The following ABCC5 variants were observed in gnomAD, a reference collection of about 807,000 sequenced individuals.
The protein encoded by ABCC5 is ATP-binding cassette sub-family C member 5.
A neutral mutation model predicts 160.9 loss-of-function variants in ABCC5; 61 were observed. The ratio of observed to expected loss-of-function variants is 0.38; its 90% CI spans 0.31 to 0.47. The LOEUF (loss-of-function observed/expected upper bound fraction) is 0.47, where lower values mean the gene tolerates loss of function less well. Among genes scored for constraint, ABCC5 ranks in the 20% least tolerant of loss-of-function variants. The probability of loss-of-function intolerance (pLI) is 0.99; values close to 1 mark genes in which losing one functional copy is unlikely to be tolerated. For synonymous variants in ABCC5, 666 were observed against 700.6 expected, an observed-to-expected ratio of 0.95 and a Z score of 0.78; for missense variants, 1,308 against 1,813.3, an observed-to-expected ratio of 0.72 and a Z score of 5.06.
Position 183,963,678 on chromosome 3 carries a change from C to G in ABCC5, c.2032-90G>C. The G allele has an allele frequency of 8.3e-7, 1 of 1,211,562 alleles. No homozygotes were observed. Among genetic ancestry groups the G allele is most frequent in the Non-Finnish European group, 1.2e-6 (1 of 858,918 alleles). 75.1% of individuals were successfully genotyped at this position (1,211,562 alleles called of 1,614,324 possible). ...CCAGTCACTTCTCTTCTTGCCCACC[C>G]AGACCAGCTCCTTCTGTCAATTCCC... is the stretch of plus-strand genomic sequence containing the variant. On this transcript the variant is annotated intron_variant, in intron 14 of 29. Coordinates refer to ENST00000334444, the MANE Select transcript of ABCC5 (RefSeq NM_005688.4). This position sits in a 1 kb window ranked among gnomAD's most constrained non-coding sequence, Gnocchi z 4.6.
intron 28 of ABCC5, among the ~76,000 whole-genome samples, chr3:183,927,103 G>A (rs1030370354): frequency 5.9e-5 from 9 of 152,022 alleles, no homozygotes; most frequent in Non-Finnish European, 1.3e-4. Flanking sequence ...TCAATGGCCA[G>A]AAACAAAAGT....
In ABCC5 at chr3:183,978,646, G is replaced by A. The variant is rs751998938; in HGVS notation, c.1153C>T (p.Arg385Cys). The change falls in exon 9 of 30, where the codon CGC becomes TGC. Residue 385 changes from arginine to cysteine, a missense_variant. Around this residue, in one of 3 missense-constraint regions of ABCC5, gnomAD observed 1,142 missense variants for 1,527.1 expected, o/e 0.75. Coordinates refer to ENST00000334444, the MANE Select transcript of ABCC5 (RefSeq NM_005688.4). Reference protein sequence around the residue: ...KAFSQSVQKIREEERRILEKA... With the variant: ...KAFSQSVQKICEEERRILEKA... Reference sequence around the variant, plus strand: ...TCCAATATCCGACGCTCCTCCTCGCGGATTTCTATGAATAAAAAGCAAGCC... The same window carrying A: ...TCCAATATCCGACGCTCCTCCTCGCAGATTTCTATGAATAAAAAGCAAGCC... The A allele has an allele frequency of 8.1e-6, 13 of 1,612,294 alleles. No homozygotes were observed. The highest frequency in any genetic ancestry group is 2.2e-5 in the East Asian group (1 of 44,850).
In ABCC5 at chr3:183,953,117, C is replaced by G; in HGVS notation, c.2636G>C (p.Trp879Ser). The change falls in exon 18 of 30, where the codon TGG (tryptophan) becomes TCG (serine). Residue 879 changes from tryptophan to serine, a missense_variant. By Grantham distance (177) the Trp-to-Ser change is radical. Around this residue, in one of 3 missense-constraint regions of ABCC5, gnomAD observed 1,142 missense variants for 1,527.1 expected, o/e 0.75. Coordinates refer to ENST00000334444, the MANE Select transcript of ABCC5 (RefSeq NM_005688.4). ...TCCTTGCTTGATCCAGTAACTCAAC[C>G]ACCAGGTGCTGAAGGCGGTGCTGCC... is the stretch of plus-strand genomic sequence containing the variant. ...NVGSTAFSTW[W>S]LSYWIKQGSG... 6.2e-7 allele frequency: 1 copy of G among 1,613,916 alleles called. No homozygotes were observed. The highest frequency in any genetic ancestry group is 1.7e-4 in the Middle Eastern group (1 of 6,010).
In ABCC5 at chr3:183,942,877, C is replaced by G. The variant is rs1160528638; in HGVS notation, c.3544G>C (p.Ala1182Pro). The G allele has an allele frequency of 3.1e-6, 5 of 1,613,752 alleles. No individual in the cohort carries two copies. Among genetic ancestry groups the G allele is most frequent in the African/African-American group, 2.7e-5 (2 of 74,880 alleles). Residue 1182 changes from alanine to proline, a missense_variant, in exon 25 of 30, where the codon GCT (alanine) becomes CCT (proline). Transcript: ENST00000334444. ...TCCTGGGGCCAGTCAGGGGAGGGAGCCTTGTTCTTAATTCTGGCAGGTGCT... is the reference window on the plus strand; with the variant it reads ...TCCTGGGGCCAGTCAGGGGAGGGAGGCTTGTTCTTAATTCTGGCAGGTGCT... ...LEAPARIKNK[A>P]PSPDWPQEGE...
intron 1 of ABCC5, among the ~76,000 whole-genome samples, chr3:184,015,630 C>G (rs1300832428): frequency 3.3e-5 from 5 of 151,748 alleles, no homozygotes; most frequent in Non-Finnish European, 5.9e-5. Flanking sequence ...AGCTTGATTT[C>G]TTGCCTTTCA....
intron 1 of ABCC5, among the ~76,000 whole-genome samples, chr3:184,016,191 A>G (rs1481885927): frequency 6.6e-6 from 1 of 152,232 alleles, no homozygotes; most frequent in Non-Finnish European, 1.5e-5. Flanking sequence ...TATGACACAA[A>G]TAATGACTGT....
At chr3:183,992,143 T>C (rs1414402565) in intron 2 of ABCC5, among the ~76,000 whole-genome samples, 1 of 152,160 alleles carries the variant, frequency 6.6e-6, no homozygotes, top group Non-Finnish European at 1.5e-5. Flanking sequence ...TTAATTAGAG[T>C]TCAGTAACAA....
chr3:183,921,191 G>C lies in ABCC5; in HGVS notation c.*109C>G. The C allele has an allele frequency of 1.6e-6, 1 of 614,100 alleles. No individual in the cohort carries two copies. Among genetic ancestry groups the C allele is most frequent in the Non-Finnish European group, 3.0e-6 (1 of 338,410 alleles). The allele number at this position is 614,100 out of a possible 1,614,324, so 38.0% of individuals were successfully genotyped here. A position where few individuals can be genotyped will look rare whatever the true frequency, so the allele number is the denominator to read the frequency against. On this transcript the variant is annotated 3_prime_UTR_variant, in exon 30 of 30. Coordinates refer to ENST00000334444, the MANE Select transcript of ABCC5 (RefSeq NM_005688.4). The surrounding 1 kb of genome is among the most constrained non-coding windows in gnomAD (Gnocchi z 4.1). Reference sequence around the variant, plus strand: ...GCCAATCCGGAACTGCTGTGCGAAAGATAAAATCGAGAAAGGCAAGGTTTC... The same window carrying C: ...GCCAATCCGGAACTGCTGTGCGAAACATAAAATCGAGAAAGGCAAGGTTTC...
At chr3:184,009,081 TC>T in intron 2 of ABCC5, among the ~76,000 whole-genome samples, 1 of 152,274 alleles carries the variant, frequency 6.6e-6, no homozygotes, top group South Asian at 2.1e-4. Flanking sequence ...CCCAGGTTGG[TC>T]TTGCACTCCC....
At position 183,982,174 on chromosome 3, in the gene ABCC5, TC is replaced by T. The variant is rs1718805572; in HGVS notation, c.999+276del. 6.6e-6 allele frequency among the ~76,000 whole-genome samples: 1 copy of T among 151,954 alleles called. No individual in the cohort carries two copies. The highest frequency in any genetic ancestry group is 1.5e-5 in the Non-Finnish European group (1 of 67,986). On this transcript the variant is annotated intron_variant, in intron 7 of 29. Coordinates refer to ENST00000334444, the MANE Select transcript of ABCC5 (RefSeq NM_005688.4). This position sits in a 1 kb window ranked among gnomAD's most constrained non-coding sequence, Gnocchi z 5.2. ...GAGGGCCCTATCACTTAGCACCAAC[TC>T]CAACGCAGTGACTCAAACACTCCTA...
rs1219244989 is a variant in ABCC5 at position 183,959,764 on chromosome 3, T to C, written c.2451A>G (p.Val817=). ...SQDKGPKTGS[V]KKEKAVKPEE... The stretch of plus-strand genomic sequence containing the variant: ...CTGGCTTTACTGCTTTTTCCTTCTT[T>C]ACTGATCCTGTTTTAGGACCCTTGT... Residue 817 remains valine (V), a synonymous_variant, in exon 17 of 30, where the codon GTA becomes GTG. Transcript: ENST00000334444. The C allele has an allele frequency of 1.2e-6, 2 of 1,612,536 alleles. No individual in the cohort carries two copies. The highest frequency in any genetic ancestry group is 1.7e-5 in the Admixed American group (1 of 59,818).
At chr3:183,961,781 G>T in intron 15 of ABCC5, 127 bp from the exon 16 acceptor site, 1 of 1,229,776 alleles carries the variant, frequency 8.1e-7, no homozygotes. Flanking sequence ...GCAGCATCTG[G>T]AGACATTTTT....
chr3:183,950,250 C>A, intron 20 of ABCC5, 125 bp from the exon 21 acceptor site: 2 of 1,163,704 alleles, frequency 1.7e-6, no homozygotes, highest in Non-Finnish European at 2.3e-6. Context: ...TTTAAACAGT[C>A]TGATCAAAGA....
At chr3:183,984,539 T>C (rs1336268657) in intron 5 of ABCC5, 1 of 1,172,534 alleles carries the variant, frequency 8.5e-7, no homozygotes, top group Non-Finnish European at 1.1e-6. Context: ...ATTAAATTAA[T>C]ACCAGATGTC....
chr3:183,985,213 T>A lies in ABCC5; in HGVS notation c.592-2206A>T, dbSNP rs1454273370. 5 of 1,198,992 alleles carry A rather than the reference T, an allele frequency of 4.2e-6. No individual in the cohort carries two copies. The African/African-American group carries it at 7.6e-5, about 18-fold the overall frequency. 74.3% of individuals were successfully genotyped at this position (1,198,992 alleles called of 1,614,324 possible). A position where few individuals can be genotyped will look rare whatever the true frequency, so the allele number is the denominator to read the frequency against. The stretch of plus-strand genomic sequence containing the variant: ...TTTTAAAAAGTTACAAATGTATCAT[T>A]TAAATCTAAACAAACTGGAAGAAAA... On this transcript the variant is annotated intron_variant, in intron 5 of 29. Coordinates refer to ENST00000334444, the MANE Select transcript of ABCC5 (RefSeq NM_005688.4).
In ABCC5 at chr3:183,982,410, T is replaced by G. The variant is rs1455423480; in HGVS notation, c.999+41A>C. On this transcript the variant is annotated intron_variant, in intron 7 of 29. Transcript: ENST00000334444. The surrounding 1 kb of genome is among the most constrained non-coding windows in gnomAD (Gnocchi z 5.2). ...AACCCAATGGAAGTAACTCATCTCC[T>G]AAGGAGAAGCTGCCAGGATTCAGCT... The G allele has an allele frequency of 6.3e-7, 1 of 1,599,334 alleles. No homozygotes were observed. Among genetic ancestry groups the G allele is most frequent in the Non-Finnish European group, 8.5e-7 (1 of 1,172,478 alleles).
chr3:183,924,350 C>CT (rs1712315586), intron 29 of ABCC5, among the ~76,000 whole-genome samples: 1 of 152,088 alleles, frequency 6.6e-6, no homozygotes, highest in Non-Finnish European at 1.5e-5. Context: ...TTCCCTGAGA[C>CT]TTTGTCTCCT....
intron 26 of ABCC5, among the ~76,000 whole-genome samples, chr3:183,934,035 G>A (rs1170825069): frequency 6.6e-6 from 1 of 152,210 alleles, no homozygotes; most frequent in African/African-American, 2.4e-5. Context: ...GCTGGGCGCG[G>A]TGGCTCACAC....
intron 27 of ABCC5, 53 bp downstream of exon 27, chr3:183,928,694 T>C: frequency 6.5e-7 from 1 of 1,534,470 alleles, no homozygotes; most frequent in African/African-American, 1.4e-5. Context: ...AGGGCACTGC[T>C]GTGCTTCCAC....
Sources: allele counts gnomAD v4.1 joint callset (sites outside exome capture counted in the v4.1 genomes callset), GRCh38; gene constraint gnomAD v4.1.1; regional missense constraint gnomAD v4.1.1; non-coding constraint Gnocchi (gnomAD v3.1); transcripts MANE v1.5; gene names NCBI Gene and HGNC (gene_info 2026-07-23, HGNC 2026-07-21).